The following NBEA variants were observed in gnomAD, a reference collection of about 807,000 sequenced individuals.
NBEA encodes the protein lysosomal-trafficking regulator 2.
Under a neutral mutation model 343.4 loss-of-function variants are expected in NBEA, and 44 were observed. The ratio of observed to expected loss-of-function variants is 0.13; its 90% CI spans 0.10 to 0.16. The LOEUF (loss-of-function observed/expected upper bound fraction) is 0.16, where lower values mean the gene tolerates loss of function less well. Ranked by LOEUF, NBEA falls within the 10% of genes least tolerant of loss-of-function variation. The pLI is 1.00. For synonymous variants in NBEA, 1,175 were observed against 1,238.7 expected, an observed-to-expected ratio of 0.95 and a Z score of 1.08; for missense variants, 2,555 against 3,631.3, an observed-to-expected ratio of 0.70 and a Z score of 7.62.
intron 53 of NBEA, among the ~76,000 whole-genome samples, chr13:35,652,098 G>A (rs954610555): frequency 1.3e-5 from 2 of 151,948 alleles, no homozygotes; most frequent in Non-Finnish European, 2.9e-5. Flanking sequence ...CATTTAAGTT[G>A]GTTATAAATA....
At chr13:35,581,839 T>C (rs2081056466) in intron 45 of NBEA, among the ~76,000 whole-genome samples, 1 of 140,442 alleles carries the variant, frequency 7.1e-6, no homozygotes, top group South Asian at 2.2e-4. Context: ...CATATGTAAC[T>C]AACCTGCACA....
At chr13:35,541,814 T>G (rs1183054243) in intron 41 of NBEA, among the ~76,000 whole-genome samples, 1 of 151,718 alleles carries the variant, frequency 6.6e-6, no homozygotes, top group South Asian at 2.1e-4. Flanking sequence ...ATTGCAGTAG[T>G]AGGCTGACAT....
At chr13:35,408,785 A>G (rs889511764) in intron 38 of NBEA, among the ~76,000 whole-genome samples, 2 of 152,218 alleles carry the variant, frequency 1.3e-5, no homozygotes, top group Non-Finnish European at 2.9e-5. Context: ...ATGCAAATCA[A>G]TACCACAATG....
At chr13:34,985,707 G>A (rs375883943) in intron 1 of NBEA, among the ~76,000 whole-genome samples, 1 of 150,682 alleles carries the variant, frequency 6.6e-6, no homozygotes, top group African/African-American at 2.4e-5. Flanking sequence ...ATTATTGCCT[G>A]AATTTCAGAG....
chr13:34,975,603 A>T (rs2060143978), intron 1 of NBEA, among the ~76,000 whole-genome samples: 1 of 152,184 alleles, frequency 6.6e-6, no homozygotes, highest in Admixed American at 6.5e-5. Context: ...TAAACTAAAA[A>T]GCTTCAGTAC....
chr13:35,572,460 G>A (rs534666618), intron 45 of NBEA, among the ~76,000 whole-genome samples: 1 of 152,144 alleles, frequency 6.6e-6, no homozygotes, highest in Non-Finnish European at 1.5e-5. Context: ...AATATATTTT[G>A]TTAACACAGG....
At chr13:35,437,628 T>C (rs1460450342) in intron 39 of NBEA, among the ~76,000 whole-genome samples, 1 of 152,214 alleles carries the variant, frequency 6.6e-6, no homozygotes, top group African/African-American at 2.4e-5. Context: ...GTGTATTTAA[T>C]GTGTTATTTA....
intron 30 of NBEA, among the ~76,000 whole-genome samples, chr13:35,188,381 C>T (rs1184148441): frequency 6.6e-6 from 1 of 151,962 alleles, no homozygotes; most frequent in East Asian, 1.9e-4. Context: ...GTAACTGAAA[C>T]ATTGGTCCTT....
rs183293751 is a variant in NBEA, at chr13:35,231,871, A to G, written c.5649-621A>G. Among the ~76,000 whole-genome samples the G allele has an allele frequency of 3.7e-3, 563 of 152,166 alleles. 3 individuals are homozygous for G. The highest frequency in any genetic ancestry group is 7.7e-3 in the Admixed American group (117 of 15,270). On this transcript the variant is annotated intron_variant, in intron 33 of 58. Coordinates refer to ENST00000379939, the MANE Select transcript of NBEA (RefSeq NM_001385012.1). ...AAGCAGAAATATTTTCCTCCTCCCC[A>G]TTTTTTACTTTTACATGTACCAAAG...
At chr13:35,344,578 C>A (rs2039767941) in intron 36 of NBEA, among the ~76,000 whole-genome samples, 1 of 151,740 alleles carries the variant, frequency 6.6e-6, no homozygotes, top group African/African-American at 2.4e-5. Flanking sequence ...GAAAAGGAGA[C>A]ATAATTATAA....
chr13:35,152,257 T>C (rs1474430940), intron 18 of NBEA, among the ~76,000 whole-genome samples: 1 of 152,182 alleles, frequency 6.6e-6, no homozygotes, highest in Non-Finnish European at 1.5e-5. Flanking sequence ...ATTTTACGAG[T>C]TAGTCAACTT....
At chr13:35,093,490 C>G (rs1240927037) in intron 10 of NBEA, among the ~76,000 whole-genome samples, 1 of 151,896 alleles carries the variant, frequency 6.6e-6, no homozygotes, top group East Asian at 1.9e-4. Context: ...TCCAGCACTT[C>G]TAGTGTATGT....
At chr13:35,447,229 A>C (rs906448213) in intron 39 of NBEA, among the ~76,000 whole-genome samples, 2 of 152,024 alleles carry the variant, frequency 1.3e-5, no homozygotes, top group African/African-American at 4.8e-5. Context: ...CCAGTTTGTC[A>C]TTTCTGTGTT....
chr13:35,409,383 C>G (rs748542469), intron 38 of NBEA, among the ~76,000 whole-genome samples: 2 of 151,960 alleles, frequency 1.3e-5, no homozygotes, highest in Non-Finnish European at 2.9e-5. Flanking sequence ...GGAAAAATAA[C>G]TGGTGGGTAC....
At chr13:35,576,346 G>A (rs1034020517) in intron 45 of NBEA, among the ~76,000 whole-genome samples, 1 of 151,174 alleles carries the variant, frequency 6.6e-6, no homozygotes, top group African/African-American at 2.4e-5. Flanking sequence ...TGACCTCCTG[G>A]CCTCAAAGAG....
Position 35,140,876 on chromosome 13 carries a change from C to A in NBEA, c.2337-1393C>A, listed in dbSNP as rs561024811. Among the ~76,000 whole-genome samples the A allele has an allele frequency of 9.9e-5, 15 of 152,158 alleles. 1 individual carries two copies. ...TAAAATCCAAATAGGTTTTCCCAAG[C>A]AGTTGATTATCTTACAGTGATTTAG... On this transcript the variant is annotated intron_variant, in intron 17 of 58. Transcript: ENST00000379939.
chr13:35,457,860 G>T (rs1398993827), intron 40 of NBEA, among the ~76,000 whole-genome samples: 1 of 151,184 alleles, frequency 6.6e-6, no homozygotes, highest in Non-Finnish European at 1.5e-5. Context: ...GCCCACCTTG[G>T]CTTCCCAAAG....
chr13:35,187,779 C>G (rs1272501361), intron 30 of NBEA, among the ~76,000 whole-genome samples: 1 of 151,954 alleles, frequency 6.6e-6, no homozygotes, highest in African/African-American at 2.4e-5. Context: ...TCACAAGGGC[C>G]CTAGATAAGA....
intron 28 of NBEA, among the ~76,000 whole-genome samples, chr13:35,178,346 G>A (rs1376154256): frequency 6.6e-6 from 1 of 151,630 alleles, no homozygotes; most frequent in Non-Finnish European, 1.5e-5. Context: ...ATATCTACAG[G>A]AAATTTGGCA....
Sources: gnomAD v4.1 joint callset for allele counts (sites outside exome capture counted in the v4.1 genomes callset) on GRCh38, gnomAD v4.1.1 for gene constraint, MANE v1.5 for transcripts, NCBI Gene and HGNC (gene_info 2026-07-23, HGNC 2026-07-21) for gene names.